Variants in G3BP2 observed in about 807,000 individuals in gnomAD.
G3BP2 encodes the protein ras GTPase-activating protein-binding protein 2.
In G3BP2, 11 loss-of-function variants were observed where a neutral mutation model predicts 56.7. That is an observed-to-expected ratio of 0.19 (90% confidence interval 0.12 to 0.32). The LOEUF (loss-of-function observed/expected upper bound fraction) is 0.32, where lower values mean the gene tolerates loss of function less well. G3BP2 is among the 10% of genes least tolerant of loss of function. The pLI is 1.00. For missense variants in G3BP2, 340 were observed against 610.9 expected (o/e 0.56, Z 4.67); for synonymous variants, 165 against 191.6 (o/e 0.86, Z 1.15).
chr4:75,674,718 ATTTTTTTTTTT>A (rs71203842), upstream of G3BP2, among the ~76,000 whole-genome samples: 147 of 71,336 alleles, frequency 2.1e-3, no homozygotes, highest in East Asian at 0.018. Context: ...ATATATATAT[ATTTTTTTTTTT>A]TTTTTTTTTT....
intron 3 of G3BP2, among the ~76,000 whole-genome samples, chr4:75,697,888 C>A (rs1056902239): frequency 2.5e-4 from 38 of 152,162 alleles, no homozygotes; most frequent in Non-Finnish European, 3.7e-4. Context: ...GAGCCAAGAT[C>A]GTGCCACTGC....
chr4:75,673,241 G>T lies in G3BP2; in HGVS notation c.-58C>A. ...AACGGCGGCGGCGGGTACGTCGCGC[G>T]GAGGTCAGAAGAGTCGCTGAGGACC... is the stretch of plus-strand genomic sequence containing the variant. On this transcript the variant is annotated 5_prime_UTR_variant, in exon 1 of 12. Transcript: ENST00000359707. 1 of 1,219,492 alleles carries T rather than the reference G, an allele frequency of 8.2e-7. No homozygotes were observed. The highest frequency in any genetic ancestry group is 1.0e-6 in the Non-Finnish European group (1 of 980,312). 75.5% of individuals were successfully genotyped at this position (1,219,492 alleles called of 1,614,324 possible).
intron 3 of G3BP2, among the ~76,000 whole-genome samples, chr4:75,707,856 T>G (rs1476290536): frequency 6.6e-6 from 1 of 152,192 alleles, no homozygotes; most frequent in Non-Finnish European, 1.5e-5. Context: ...ACATTAATTT[T>G]CAGAATAAAA....
chr4:75,653,116 A>G (rs1054832816), intron 8 of G3BP2, among the ~76,000 whole-genome samples: 1 of 152,076 alleles, frequency 6.6e-6, no homozygotes, highest in South Asian at 2.1e-4. Context: ...AAAAAAAAAA[A>G]GTATCACGGG....
chr4:75,663,504 G>A (rs1317438659), intron 1 of G3BP2, among the ~76,000 whole-genome samples: 3 of 152,028 alleles, frequency 2.0e-5, no homozygotes, highest in South Asian at 2.1e-4. Flanking sequence ...TCGAACTCCT[G>A]GCCTCAAGTG....
At chr4:75,674,718 A>ATATATATATATATATATATTTTTTTT (rs1241041465), upstream of G3BP2, among the ~76,000 whole-genome samples, 1 of 71,424 alleles carries the variant, frequency 1.4e-5, no homozygotes, top group African/African-American at 5.9e-5. Flanking sequence ...ATATATATAT[A>ATATATATATATATATATATTTTTTTT]TTTTTTTTTT....
upstream of G3BP2, among the ~76,000 whole-genome samples, chr4:75,677,619 G>A (rs1578420891): frequency 6.6e-6 from 1 of 152,052 alleles, no homozygotes; most frequent in East Asian, 1.9e-4. Flanking sequence ...GCATGTTTAG[G>A]GGTCACACAC....
At chr4:75,694,702 C>T (rs1295064945) in intron 3 of G3BP2, 12 of 911,852 alleles carry the variant, frequency 1.3e-5, no homozygotes, top group Non-Finnish European at 1.6e-5. Context: ...GGCGCCATTG[C>T]ACTCCAGCCT....
intron 1 of G3BP2, among the ~76,000 whole-genome samples, chr4:75,671,524 C>T (rs926965606): frequency 8.5e-5 from 13 of 152,058 alleles, no homozygotes; most frequent in African/African-American, 3.1e-4. Flanking sequence ...TCTTCTTTAC[C>T]TTCTAATTTT....
At chr4:75,648,808 T>A in intron 8 of G3BP2, 67 bp from the exon 9 acceptor site, 1 of 866,694 alleles carries the variant, frequency 1.2e-6, no homozygotes, top group Non-Finnish European at 1.9e-6. Flanking sequence ...CCAAAGCACC[T>A]AACGACAAGT....
chr4:75,700,500 A>G (rs1451037383), intron 3 of G3BP2, among the ~76,000 whole-genome samples: 1 of 148,074 alleles, frequency 6.8e-6, no homozygotes, highest in Non-Finnish European at 1.5e-5. Flanking sequence ...GGCTCACTGC[A>G]ACCTCGTCTT....
intron 1 of G3BP2, among the ~76,000 whole-genome samples, chr4:75,664,521 G>A (rs1163079932): frequency 6.6e-6 from 1 of 152,008 alleles, no homozygotes; most frequent in Non-Finnish European, 1.5e-5. Context: ...GTTTGTAGTG[G>A]GCCAAGATCA....
chr4:75,669,830 C>T (rs1297847604), intron 1 of G3BP2, among the ~76,000 whole-genome samples: 1 of 152,184 alleles, frequency 6.6e-6, no homozygotes, highest in Non-Finnish European at 1.5e-5. Context: ...CAGTGGCTCA[C>T]GCCTGTAATT....
chr4:75,717,069 T>G (rs1352599817), intron 3 of G3BP2, among the ~76,000 whole-genome samples: 1 of 152,178 alleles, frequency 6.6e-6, no homozygotes, highest in Non-Finnish European at 1.5e-5. Context: ...ATCTGCAGGT[T>G]ACTGAGCCCA....
chr4:75,648,769 TA>T, intron 8 of G3BP2, 28 bp from the exon 9 acceptor site: 1 of 1,389,250 alleles, frequency 7.2e-7, no homozygotes, highest in Non-Finnish European at 1.0e-6. Flanking sequence ...AAAAACATTA[TA>T]AAAAACACTC....
intron 1 of G3BP2, among the ~76,000 whole-genome samples, chr4:75,666,203 C>T (rs1221774253): frequency 6.6e-6 from 1 of 152,076 alleles, no homozygotes; most frequent in African/African-American, 2.4e-5. Flanking sequence ...GGCCAACATA[C>T]CATCAATTTA....
chr4:75,712,524 T>C (rs1325999901), intron 3 of G3BP2, among the ~76,000 whole-genome samples: 1 of 152,184 alleles, frequency 6.6e-6, no homozygotes, highest in Non-Finnish European at 1.5e-5. Flanking sequence ...AGAGGAAAGA[T>C]TTTTACAGTT....
chr4:75,705,329 A>G (rs1004712768), intron 3 of G3BP2, among the ~76,000 whole-genome samples: 1 of 152,256 alleles, frequency 6.6e-6, no homozygotes, highest in African/African-American at 2.4e-5. Flanking sequence ...ACAGGCCCAC[A>G]CAGAGAAACA....
chr4:75,718,699 A>T (rs1002797545), intron 3 of G3BP2, among the ~76,000 whole-genome samples: 5 of 152,184 alleles, frequency 3.3e-5, no homozygotes, highest in African/African-American at 1.2e-4. Flanking sequence ...GAACATCTCA[A>T]ACCTTAAACT....
Sources: allele counts gnomAD v4.1 joint callset (sites outside exome capture counted in the v4.1 genomes callset), GRCh38; gene constraint gnomAD v4.1.1; transcripts MANE v1.5; gene names NCBI Gene and HGNC (gene_info 2026-07-23, HGNC 2026-07-21).